The following LRP1B variants were observed in gnomAD, a reference collection of about 807,000 sequenced individuals.
LRP1B encodes the protein LDL receptor related protein 1B.
A neutral mutation model predicts 556.6 loss-of-function variants in LRP1B; 217 were observed. The observed-to-expected ratio is 0.39, with a 90% CI of 0.35 to 0.44. The LOEUF (loss-of-function observed/expected upper bound fraction) is 0.44. LRP1B is among the 20% of genes least tolerant of loss of function. The probability of loss-of-function intolerance (pLI) is 1.00; values close to 1 mark genes in which losing one functional copy is unlikely to be tolerated. For synonymous variants in LRP1B, 2,047 were observed against 1,865.8 expected (o/e 1.10, Z -2.50); for missense variants, 5,053 against 5,620.8 (o/e 0.90, Z 3.23).
intron 19 of LRP1B, among the ~76,000 whole-genome samples, 178 bp from the exon 20 acceptor site, chr2:140,950,580 G>A (rs1056622332): frequency 1.3e-5 from 2 of 152,060 alleles, no homozygotes; most frequent in African/African-American, 4.8e-5. Context: ...ACCTCCTGGG[G>A]CTCAAATGAT....
chr2:140,894,784 A>G (rs1693902469), intron 23 of LRP1B, among the ~76,000 whole-genome samples: 1 of 152,058 alleles, frequency 6.6e-6, no homozygotes, highest in African/African-American at 2.4e-5. Context: ...CCCCGTCTCT[A>G]CAAAAATACA....
At position 140,394,853 on chromosome 2, in the gene LRP1B, T is replaced by C. The variant is rs2105216871; in HGVS notation, c.10415-8844A>G. 2.0e-5 allele frequency among the ~76,000 whole-genome samples: 3 copies of C among 152,294 alleles called. No individual in the cohort carries two copies. The Middle Eastern group carries it at 0.01, about 518-fold the overall frequency. On this transcript the variant is annotated intron_variant, in intron 66 of 90. Transcript: ENST00000389484. ...AGAGATTATTTTTCTCCCATTGAGA[T>C]TGTAAGTATCATAACCTCATATTTC...
In LRP1B at chr2:142,061,177, G is replaced by T. The variant is rs554388788; in HGVS notation, c.82+69471C>A. On this transcript the variant is annotated intron_variant, in intron 1 of 90. Transcript: ENST00000389484. ...TTTTAGATATGACTTTGGAAAAAAT[G>T]AATAGTTCAGAATAAAGAGTAAAGC... Among the ~76,000 whole-genome samples the T allele has an allele frequency of 5.9e-5, 9 of 152,000 alleles. No individual in the cohort carries two copies. In the South Asian group the frequency reaches 1.2e-3, roughly 21 times the overall value.
intron 41 of LRP1B, among the ~76,000 whole-genome samples, chr2:140,657,938 T>C (rs1292227661): frequency 6.6e-6 from 1 of 151,986 alleles, no homozygotes; most frequent in Non-Finnish European, 1.5e-5. Flanking sequence ...TGTATGTCAA[T>C]GCTAATTGAA....
intron 43 of LRP1B, among the ~76,000 whole-genome samples, chr2:140,578,226 A>G (rs1681611560): frequency 6.6e-6 from 1 of 151,516 alleles, no homozygotes; most frequent in Non-Finnish European, 1.5e-5. Context: ...TCTTTTTTCC[A>G]AGGCAGCCTG....
chr2:141,115,458 G>GTTTTTTTTT lies in LRP1B; in HGVS notation c.1014-53194_1014-53186dup, dbSNP rs70991138. Among the ~76,000 whole-genome samples the GTTTTTTTTT allele has an allele frequency of 4.4e-3, 525 of 120,084 alleles. 11 individuals carry two copies. Among genetic ancestry groups the GTTTTTTTTT allele is most frequent in the Middle Eastern group, 0.016 (3 of 182 alleles). The allele number at this position is 120,084 out of a possible 152,430, so 78.8% of individuals were successfully genotyped here. ...GCAAAATGAATAGGTTTTTGTTTTT[G>GTTTTTTTTT]TTTTTTTTTTTTTTTTGAGATGGAT... is the stretch of plus-strand genomic sequence containing the variant. On this transcript the variant is annotated intron_variant, in intron 7 of 90. Transcript: ENST00000389484.
chr2:141,673,950 C>A (rs916081514), intron 2 of LRP1B, among the ~76,000 whole-genome samples: 2 of 151,938 alleles, frequency 1.3e-5, no homozygotes, highest in Admixed American at 1.3e-4. Context: ...CTTAATCCCT[C>A]CTCTAACTGT....
intron 43 of LRP1B, among the ~76,000 whole-genome samples, chr2:140,545,538 A>G (rs1435091031): frequency 6.6e-6 from 1 of 152,098 alleles, no homozygotes; most frequent in Non-Finnish European, 1.5e-5. Flanking sequence ...TTTATTGAAT[A>G]GAGTCCTTTC....
intron 2 of LRP1B, among the ~76,000 whole-genome samples, chr2:141,537,446 G>A (rs571360457): frequency 2.0e-5 from 3 of 152,068 alleles, no homozygotes; most frequent in South Asian, 4.1e-4. Context: ...GGACAGATAC[G>A]AATCAAGACT....
At chr2:142,042,100 C>T (rs1354354180) in intron 1 of LRP1B, among the ~76,000 whole-genome samples, 1 of 151,288 alleles carries the variant, frequency 6.6e-6, no homozygotes, top group East Asian at 2.0e-4. Context: ...GTTTCTCCTG[C>T]ATAATGTGTG....
intron 1 of LRP1B, among the ~76,000 whole-genome samples, chr2:141,826,892 A>C (rs1003111270): frequency 2.6e-5 from 4 of 152,168 alleles, no homozygotes; most frequent in Non-Finnish European, 4.4e-5. Context: ...TATTTTTTAA[A>C]ATCTTTATCA....
chr2:141,251,305 T>C (rs1335447365), intron 4 of LRP1B, among the ~76,000 whole-genome samples: 1 of 152,144 alleles, frequency 6.6e-6, no homozygotes, highest in Non-Finnish European at 1.5e-5. Context: ...TAAAGTTCTT[T>C]ATGAAAATTA....
intron 41 of LRP1B, among the ~76,000 whole-genome samples, chr2:140,605,636 C>T (rs1682840299): frequency 6.7e-6 from 1 of 150,198 alleles, no homozygotes; most frequent in Non-Finnish European, 1.5e-5. Flanking sequence ...TCTCTGCTTC[C>T]TTACTGCCTG....
In LRP1B at chr2:141,646,495, C is replaced by T. The variant is rs771618057; in HGVS notation, c.205+163784G>A. 1.5e-3 allele frequency among the ~76,000 whole-genome samples: 226 copies of T among 152,114 alleles called. 1 individual carries two copies. Among genetic ancestry groups the T allele is most frequent in the Non-Finnish European group, 1.9e-3 (132 of 67,994 alleles). On this transcript the variant is annotated intron_variant, in intron 2 of 90. Transcript: ENST00000389484. The stretch of plus-strand genomic sequence containing the variant: ...TATGAAAAGAATAATACATGTAAAA[C>T]GATGAGTTAATCAATTCATTTAATT...
intron 7 of LRP1B, among the ~76,000 whole-genome samples, chr2:141,104,330 T>C (rs1700550013): frequency 6.6e-6 from 1 of 151,922 alleles, no homozygotes; most frequent in Non-Finnish European, 1.5e-5. Flanking sequence ...GATAAGACAA[T>C]ACAACTAAAA....
intron 2 of LRP1B, among the ~76,000 whole-genome samples, chr2:141,619,429 G>A (rs941021879): frequency 1.3e-5 from 2 of 152,168 alleles, no homozygotes; most frequent in African/African-American, 2.4e-5. Context: ...GCATATGAGC[G>A]GAACTGAAGA....
intron 79 of LRP1B, among the ~76,000 whole-genome samples, chr2:140,329,869 C>A (rs1038824242): frequency 7.5e-5 from 11 of 146,318 alleles, no homozygotes; most frequent in Admixed American, 6.9e-5. Context: ...CCATTGACAT[C>A]CTTCACCAAA....
intron 1 of LRP1B, among the ~76,000 whole-genome samples, chr2:141,997,405 AAATG>A (rs1355074893): frequency 8.4e-6 from 1 of 119,178 alleles, no homozygotes. Flanking sequence ...ATATATATAT[AAATG>A]TATATATGTG....
chr2:141,321,479 T>C (rs1020391622), intron 3 of LRP1B, among the ~76,000 whole-genome samples: 1 of 152,108 alleles, frequency 6.6e-6, no homozygotes, highest in East Asian at 1.9e-4. Context: ...TATGAGGTCC[T>C]TTTTTAACAG....
Sources: gnomAD v4.1 joint callset for allele counts (sites outside exome capture counted in the v4.1 genomes callset) on GRCh38, gnomAD v4.1.1 for gene constraint, MANE v1.5 for transcripts, NCBI Gene and HGNC (gene_info 2026-07-23, HGNC 2026-07-21) for gene names.